PPHLN1: variants seen among roughly 807,000 people sequenced by gnomAD.
PPHLN1 encodes periphilin 1, also known as periphilin-1.
In PPHLN1, 29 loss-of-function variants were observed where a neutral mutation model predicts 51.3. That is an observed-to-expected ratio of 0.57 (90% confidence interval 0.42 to 0.77). The LOEUF is 0.77. Ranked by LOEUF, PPHLN1 falls within the 30% of genes least tolerant of loss-of-function variation. PPHLN1 has a pLI of 0.00. For synonymous variants in PPHLN1, 147 were observed against 147.8 expected (o/e 0.99, Z 0.04); for missense variants, 436 against 438.4 (o/e 0.99, Z 0.05).
chr12:42,411,493 G>A (rs1294273925), intron 9 of PPHLN1, among the ~76,000 whole-genome samples: 5 of 152,106 alleles, frequency 3.3e-5, no homozygotes, highest in Non-Finnish European at 4.4e-5. Flanking sequence ...ACGAAGGGAC[G>A]AACATAGAAA....
intron 9 of PPHLN1, among the ~76,000 whole-genome samples, chr12:42,403,377 A>G (rs979807091): frequency 4.6e-5 from 7 of 152,214 alleles, no homozygotes; most frequent in Non-Finnish European, 1.0e-4. Flanking sequence ...TTGAAAAGAG[A>G]TGATTTATTT....
chr12:42,424,378 T>A (rs1447022456), intron 9 of PPHLN1, among the ~76,000 whole-genome samples: 1 of 152,220 alleles, frequency 6.6e-6, no homozygotes, highest in African/African-American at 2.4e-5. Flanking sequence ...TTTTCTTCCA[T>A]AATTTCCCTT....
chr12:42,407,974 A>G (rs2079463802), intron 9 of PPHLN1, among the ~76,000 whole-genome samples: 1 of 152,198 alleles, frequency 6.6e-6, no homozygotes, highest in African/African-American at 2.4e-5. Context: ...ACCAGAAGGT[A>G]GGGATCACCG....
At chr12:42,368,768 A>G (rs1350652299) in intron 4 of PPHLN1, among the ~76,000 whole-genome samples, 2 of 152,212 alleles carry the variant, frequency 1.3e-5, no homozygotes, top group Admixed American at 1.3e-4. Flanking sequence ...CAAAATATGA[A>G]CCAGCCAAAA....
At chr12:42,350,033 G>A (rs985641800) in intron 2 of PPHLN1, among the ~76,000 whole-genome samples, 3 of 150,068 alleles carry the variant, frequency 2.0e-5, no homozygotes, top group Admixed American at 6.6e-5. Flanking sequence ...GGGCAGAGGC[G>A]CCCCCCACCT....
intron 5 of PPHLN1, among the ~76,000 whole-genome samples, chr12:42,380,787 G>A (rs537132704): frequency 3.3e-5 from 5 of 152,254 alleles, no homozygotes; most frequent in Admixed American, 2.0e-4. Flanking sequence ...TGTATATTAG[G>A]CAACAGGAAG....
Position 42,431,673 on chromosome 12 carries a change from A to G in PPHLN1, c.910-9642A>G, listed in dbSNP as rs1306926158. ...ACTAGGAACTTCTTCAGTTTATGAA[A>G]CACCATTCAGGACTGCTACTTCTTG... On this transcript the variant is annotated intron_variant, in intron 9 of 9. Transcript: ENST00000358314. 1.0e-5 allele frequency: 11 copies of G among 1,084,538 alleles called. No homozygotes were observed. The Admixed American group carries it at 1.1e-4, about 11-fold the overall frequency. 67.2% of individuals were successfully genotyped at this position (1,084,538 alleles called of 1,614,324 possible).
At chr12:42,330,350 C>T (rs2069519407) in intron 1 of PPHLN1, among the ~76,000 whole-genome samples, 1 of 152,194 alleles carries the variant, frequency 6.6e-6, no homozygotes. Context: ...CAGCACAGAC[C>T]CTTCATGGGT....
chr12:42,434,988 C>T (rs1302973532), intron 9 of PPHLN1, among the ~76,000 whole-genome samples: 2 of 152,230 alleles, frequency 1.3e-5, no homozygotes, highest in Non-Finnish European at 2.9e-5. Context: ...CCACCGCGCC[C>T]AGCCCTGTTT....
chr12:42,394,555 G>A (rs1043753753), intron 8 of PPHLN1, among the ~76,000 whole-genome samples: 1 of 152,052 alleles, frequency 6.6e-6, no homozygotes, highest in Non-Finnish European at 1.5e-5. Context: ...AGTAACTAAT[G>A]TACACTGCTC....
chr12:42,400,775 TTCTCTCTCTC>T (rs149564937), intron 9 of PPHLN1, among the ~76,000 whole-genome samples: 3 of 125,568 alleles, frequency 2.4e-5, no homozygotes, highest in Non-Finnish European at 3.4e-5. Context: ...CTCTCTCTCT[TTCTCTCTCTC>T]TCTCTCTCTC....
chr12:42,377,258 A>G (rs900266569), intron 5 of PPHLN1, among the ~76,000 whole-genome samples: 2 of 151,646 alleles, frequency 1.3e-5, no homozygotes, highest in African/African-American at 4.8e-5. Context: ...GACATATCCA[A>G]AATTAGCCAG....
chr12:42,355,443 TA>T (rs1452516711), intron 4 of PPHLN1: 11 of 437,550 alleles, frequency 2.5e-5, no homozygotes, highest in Non-Finnish European at 4.1e-5. Context: ...AAAAAATATT[TA>T]AAAATATTTG....
At chr12:42,367,705 C>T (rs1592453066) in intron 4 of PPHLN1, among the ~76,000 whole-genome samples, 1 of 152,032 alleles carries the variant, frequency 6.6e-6, no homozygotes, top group Non-Finnish European at 1.5e-5. Flanking sequence ...GTTTTGCTAG[C>T]ATTCATTAAA....
intron 8 of PPHLN1, among the ~76,000 whole-genome samples, chr12:42,394,147 G>A (rs1464135134): frequency 6.6e-6 from 1 of 152,014 alleles, no homozygotes; most frequent in Non-Finnish European, 1.5e-5. Flanking sequence ...TGGGCAACCC[G>A]AGACCTTGAT....
intron 9 of PPHLN1, among the ~76,000 whole-genome samples, chr12:42,402,512 T>C (rs1178083653): frequency 6.6e-6 from 1 of 152,216 alleles, no homozygotes; most frequent in Non-Finnish European, 1.5e-5. Context: ...GCTACTTTAC[T>C]AGCTTTTCTT....
At chr12:42,382,054 G>C (rs1321909206) in intron 5 of PPHLN1, among the ~76,000 whole-genome samples, 2 of 152,090 alleles carry the variant, frequency 1.3e-5, no homozygotes, top group Admixed American at 6.5e-5. Flanking sequence ...GTGATGAATA[G>C]CACTTGATGT....
chr12:42,430,158 A>T (rs563510518), intron 9 of PPHLN1, among the ~76,000 whole-genome samples: 8 of 152,210 alleles, frequency 5.3e-5, no homozygotes, highest in African/African-American at 1.9e-4. Flanking sequence ...GTGGAGAGGG[A>T]CTGAAGGTTG....
intron 9 of PPHLN1, among the ~76,000 whole-genome samples, chr12:42,431,513 T>C (rs1344787562): frequency 6.6e-6 from 1 of 152,214 alleles, no homozygotes; most frequent in Non-Finnish European, 1.5e-5. Flanking sequence ...TAACATATGA[T>C]TTATTCAGGA....
Sources: gnomAD v4.1 joint callset for allele counts (sites outside exome capture counted in the v4.1 genomes callset) on GRCh38, gnomAD v4.1.1 for gene constraint, MANE v1.5 for transcripts, NCBI Gene and HGNC (gene_info 2026-07-23, HGNC 2026-07-21) for gene names.